Variants in GGTA1 observed in about 807,000 individuals in gnomAD.
GGTA1 encodes glycoprotein alpha-galactosyltransferase 1 (inactive), also known as inactive N-acetyllactosaminide alpha-1,3-galactosyltransferase.
GGTA1 carries 5 observed loss-of-function variants against 2.6 expected under a neutral mutation model. That is an observed-to-expected ratio of 1.92 (90% CI 1.00 to 4.04). The LOEUF is 4.04. Ranked by LOEUF, GGTA1 falls within the 30% of genes most tolerant of loss-of-function variation. GGTA1 has a pLI of 0.00. For synonymous variants in GGTA1, 17 were observed against 5.0 expected (o/e 3.38, Z -3.19); for missense variants, 50 against 16.7 (o/e 2.99, Z -3.47).
rs1160606156 is a variant in GGTA1, at chr9:121,476,989, C to T, written c.-9-9058G>A. Among the ~76,000 whole-genome samples the T allele has an allele frequency of 6.6e-6, 1 of 152,172 alleles. No individual in the cohort carries two copies. The highest frequency in any genetic ancestry group is 1.5e-5 in the Non-Finnish European group (1 of 68,034). ...AGGTGGACCTTGTTGAGCACCTGGGCCCCTCCTCCTTTGGCCTCAAGAAGA... is the reference window on the plus strand; with the variant it reads ...AGGTGGACCTTGTTGAGCACCTGGGTCCCTCCTCCTTTGGCCTCAAGAAGA... On this transcript the variant is annotated intron_variant, in intron 1 of 5. Transcript: ENST00000481799. This position sits in a 1 kb window ranked among gnomAD's most constrained non-coding sequence, Gnocchi z 4.6.
intron 2 of GGTA1, among the ~76,000 whole-genome samples, chr9:121,464,324 GTTT>G (rs10681377): frequency 2.7e-5 from 3 of 111,894 alleles, no homozygotes; most frequent in Admixed American, 1.1e-4. Flanking sequence ...CCTCCTTGAG[GTTT>G]TTTTTTTTTT....
intron 1 of GGTA1, among the ~76,000 whole-genome samples, chr9:121,475,510 C>T (rs924123016): frequency 2.6e-5 from 4 of 152,116 alleles, no homozygotes; most frequent in Non-Finnish European, 4.4e-5. Flanking sequence ...GGGTCTGGAT[C>T]CAGACCCCCT....
chr9:121,471,669 G>A (rs1214603295), intron 1 of GGTA1, among the ~76,000 whole-genome samples: 4 of 152,196 alleles, frequency 2.6e-5, no homozygotes, highest in Non-Finnish European at 5.9e-5. Flanking sequence ...ACACAACTGT[G>A]ATGGGCAGTA....
chr9:121,488,632 G>A (rs528510399), intron 1 of GGTA1, among the ~76,000 whole-genome samples: 2 of 152,136 alleles, frequency 1.3e-5, no homozygotes, highest in African/African-American at 2.4e-5. Flanking sequence ...CAGGAGAATC[G>A]CTTGAACCCG....
chr9:121,452,521 A>AT (rs1394333726), downstream of GGTA1, among the ~76,000 whole-genome samples: 2 of 149,908 alleles, frequency 1.3e-5, no homozygotes, highest in Non-Finnish European at 3.0e-5. Flanking sequence ...TTTTATTTTT[A>AT]TTTTTTATTT....
intron 1 of GGTA1, among the ~76,000 whole-genome samples, chr9:121,496,390 C>T (rs530441217): frequency 6.6e-6 from 1 of 152,062 alleles, no homozygotes; most frequent in Non-Finnish European, 1.5e-5. Context: ...CTATTCTGCC[C>T]TGACTCATGT....
downstream of GGTA1, among the ~76,000 whole-genome samples, chr9:121,451,428 A>T (rs1252254726): frequency 2.0e-5 from 3 of 152,094 alleles, no homozygotes; most frequent in Admixed American, 2.0e-4. Flanking sequence ...CTCGTGATCC[A>T]CCCACCTCGG....
intron 1 of GGTA1, 47 bp from the exon 2 acceptor site, chr9:121,467,978 A>G (rs749480740): frequency 2.3e-6 from 1 of 437,758 alleles, no homozygotes; most frequent in South Asian, 1.6e-5. Context: ...GATTAAATCA[A>G]TGAACTTCAA....
intron 1 of GGTA1, among the ~76,000 whole-genome samples, chr9:121,474,475 C>A (rs1311883703): frequency 6.6e-6 from 1 of 152,172 alleles, no homozygotes; most frequent in African/African-American, 2.4e-5. Flanking sequence ...ACTCTACCCT[C>A]ACCCTCCTCC....
At chr9:121,496,671 G>T (rs1311418116) in intron 1 of GGTA1, among the ~76,000 whole-genome samples, 2 of 132,746 alleles carry the variant, frequency 1.5e-5, no homozygotes, top group Admixed American at 1.8e-4. Flanking sequence ...GGCAAAGGTT[G>T]CAGTGAGCCA....
intron 2 of GGTA1, among the ~76,000 whole-genome samples, chr9:121,465,950 C>T (rs953743889): frequency 3.3e-5 from 5 of 152,108 alleles, no homozygotes; most frequent in Admixed American, 2.0e-4. Context: ...GTGCCTTACT[C>T]TGTCACCCAG....
chr9:121,483,074 A>G (rs1021201991), intron 1 of GGTA1, among the ~76,000 whole-genome samples: 4 of 152,254 alleles, frequency 2.6e-5, no homozygotes, highest in Admixed American at 1.3e-4. Flanking sequence ...GGTCCTCTCC[A>G]TGAGCAAGCA....
chr9:121,453,677 TCCCTACTGGCTGCACTG>T, downstream of GGTA1, among the ~76,000 whole-genome samples: 1 of 152,314 alleles, frequency 6.6e-6, no homozygotes, highest in South Asian at 2.1e-4. Context: ...GTCCTGGTGA[TCCCTACTGGCTGCACTG>T]CCGTGGTCCT....
chr9:121,488,053 A>G (rs1230427014), intron 1 of GGTA1, among the ~76,000 whole-genome samples: 1 of 152,046 alleles, frequency 6.6e-6, no homozygotes, highest in Non-Finnish European at 1.5e-5. Flanking sequence ...AGGGAACCTA[A>G]TTTTACAGAT....
chr9:121,489,028 G>A (rs964299447), intron 1 of GGTA1, among the ~76,000 whole-genome samples: 1 of 152,202 alleles, frequency 6.6e-6, no homozygotes, highest in Non-Finnish European at 1.5e-5. Flanking sequence ...CCAGCAGTGT[G>A]ATGGAGTTGG....
chr9:121,458,496 G>T (rs1299622354), intron 5 of GGTA1, among the ~76,000 whole-genome samples: 1 of 151,776 alleles, frequency 6.6e-6, no homozygotes, highest in Non-Finnish European at 1.5e-5. Context: ...GCGTGGTGGC[G>T]CATGCCTGTA....
rs572737423 is a variant in GGTA1 at position 121,476,562 on chromosome 9, C to T, written c.-9-8631G>A. Among the ~76,000 whole-genome samples the T allele has an allele frequency of 1.3e-5, 2 of 152,248 alleles. No homozygotes were observed. The highest frequency in any genetic ancestry group is 4.8e-5 in the African/African-American group (2 of 41,548). On this transcript the variant is annotated intron_variant, in intron 1 of 5. Transcript: ENST00000481799. This position sits in a 1 kb window ranked among gnomAD's most constrained non-coding sequence, Gnocchi z 4.6. ...TAAACCTCATTTTTTGAGGGCAGTT[C>T]TTTTAGCCACATAGAGCTCACCCTG...
chr9:121,489,835 A>G (rs1828838942), intron 1 of GGTA1, among the ~76,000 whole-genome samples: 1 of 152,310 alleles, frequency 6.6e-6, no homozygotes, highest in South Asian at 2.1e-4. Flanking sequence ...GGTTGCCCCC[A>G]GTCACAGGAG....
chr9:121,493,864 C>T (rs1026967923), intron 1 of GGTA1, among the ~76,000 whole-genome samples: 1 of 144,518 alleles, frequency 6.9e-6, no homozygotes, highest in Non-Finnish European at 1.5e-5. Flanking sequence ...TCAAGTGATT[C>T]TTCTGCCTCA....
Sources: gnomAD v4.1 joint callset for allele counts (sites outside exome capture counted in the v4.1 genomes callset) on GRCh38, gnomAD v4.1.1 for gene constraint, Gnocchi (gnomAD v3.1) non-coding constraint, MANE v1.5 for transcripts, NCBI Gene and HGNC (gene_info 2026-07-23, HGNC 2026-07-21) for gene names.